Variants in DCBLD1 observed in about 807,000 individuals in gnomAD.
DCBLD1 encodes the protein discoidin, CUB and LCCL domain-containing protein 1.
DCBLD1 carries 57 observed loss-of-function variants against 71.5 expected under a neutral mutation model. That is an observed-to-expected ratio of 0.80 (90% CI 0.64 to 0.99). The LOEUF (loss-of-function observed/expected upper bound fraction) is 0.99. Among genes scored for constraint, DCBLD1 ranks in the 50% least tolerant of loss-of-function variants. DCBLD1 has a pLI of 0.00. For synonymous variants in DCBLD1, 380 were observed against 363.8 expected, an observed-to-expected ratio of 1.04 and a Z score of -0.51; for missense variants, 891 against 923.5, an observed-to-expected ratio of 0.96 and a Z score of 0.46.
At position 117,548,095 on chromosome 6, in the gene DCBLD1, A is replaced by T. The variant is rs1779334521; in HGVS notation, c.1804A>T (p.Thr602Ser). Residue 602 changes from threonine to serine, a missense_variant, in exon 15 of 15, where the codon ACG (threonine) becomes TCG (serine). By Grantham distance (58) the Thr-to-Ser change is moderately conservative. Transcript: ENST00000338728. ...GGCGCCCCCGGAGCCCGAGTACGCC[A>T]CGCCCATCGTGGAGCGGCACGTGCT... ...PLAPPEPEYATPIVERHVLRA... is the reference protein window; with the variant it reads ...PLAPPEPEYASPIVERHVLRA... 1 of 1,549,416 alleles carries T rather than the reference A, an allele frequency of 6.5e-7. No homozygotes were observed.
chr6:117,509,926 G>C (rs1338711894), intron 2 of DCBLD1, among the ~76,000 whole-genome samples: 1 of 152,134 alleles, frequency 6.6e-6, no homozygotes, highest in African/African-American at 2.4e-5. Context: ...ATTCAATTTG[G>C]TTGTTTTATT....
Position 117,548,376 on chromosome 6 carries a change from C to G in DCBLD1, c.2085C>G (p.Ser695Arg). Reference protein sequence around the residue: ...KPPTHPGTSDSYSAPRDCLTP... With the variant: ...KPPTHPGTSDRYSAPRDCLTP... Reference sequence around the variant, plus strand: ...CAACGCATCCCGGGACGAGTGACAGCTATTCTGCCCCCAGAGACTGCCTCA... The same window carrying G: ...CAACGCATCCCGGGACGAGTGACAGGTATTCTGCCCCCAGAGACTGCCTCA... Residue 695 changes from serine (S) to arginine (R), a missense_variant, in exon 15 of 15, where the codon AGC becomes AGG. By Grantham distance (110) the Ser-to-Arg change is moderately radical. Coordinates refer to ENST00000338728, the MANE Select transcript of DCBLD1 (RefSeq NM_001366458.2). 1 of 1,550,698 alleles carries G rather than the reference C, an allele frequency of 6.4e-7. No homozygotes were observed. The highest frequency in any genetic ancestry group is 1.2e-5 in the South Asian group (1 of 84,062).
At chr6:117,501,938 T>C (rs1011180676) in intron 1 of DCBLD1, among the ~76,000 whole-genome samples, 1 of 152,176 alleles carries the variant, frequency 6.6e-6, no homozygotes, top group South Asian at 2.1e-4. Context: ...ATTTCTGGAC[T>C]GAACAAGGCC....
At chr6:117,515,299 G>A (rs1209997067) in intron 2 of DCBLD1, among the ~76,000 whole-genome samples, 1 of 152,110 alleles carries the variant, frequency 6.6e-6, no homozygotes. Context: ...TGGGATTACA[G>A]GCGTGAGCCA....
Position 117,548,149 on chromosome 6 carries a change from G to T in DCBLD1, c.1858G>T (p.Gly620Cys). Reference protein sequence around the residue: ...LRAHTFSAQSGYRVPGPQPGH... With the variant: ...LRAHTFSAQSCYRVPGPQPGH... Reference sequence around the variant, plus strand: ...CGCCCACACGTTCTCTGCGCAGAGCGGCTACCGCGTCCCAGGGCCCCAGCC... The same window carrying T: ...CGCCCACACGTTCTCTGCGCAGAGCTGCTACCGCGTCCCAGGGCCCCAGCC... The change falls in exon 15 of 15, where the codon GGC becomes TGC. Residue 620 changes from glycine to cysteine, a missense_variant. Coordinates refer to ENST00000338728, the MANE Select transcript of DCBLD1 (RefSeq NM_001366458.2). 1.3e-6 allele frequency: 2 copies of T among 1,550,118 alleles called. No homozygotes were observed. Among genetic ancestry groups the T allele is most frequent in the Non-Finnish European group, 1.7e-6 (2 of 1,146,778 alleles).
chr6:117,501,100 G>T (rs893860024), intron 1 of DCBLD1, among the ~76,000 whole-genome samples: 23 of 152,120 alleles, frequency 1.5e-4, no homozygotes, highest in Admixed American at 1.1e-3. Flanking sequence ...TGGTGGCTTG[G>T]AGAGGTTGTG....
chr6:117,500,782 G>A (rs1253308568), intron 1 of DCBLD1, among the ~76,000 whole-genome samples: 1 of 152,172 alleles, frequency 6.6e-6, no homozygotes, highest in Non-Finnish European at 1.5e-5. Flanking sequence ...AGAATCGCTT[G>A]AACCCAGGAG....
intron 11 of DCBLD1, 84 bp downstream of exon 11, chr6:117,541,109 T>C: frequency 7.7e-7 from 1 of 1,291,036 alleles, no homozygotes; most frequent in South Asian, 1.3e-5. Flanking sequence ...AATTTCTTTT[T>C]CTCTGTCATA....
At chr6:117,555,532 G>A (rs1332517587) in intron 14 of DCBLD1, among the ~76,000 whole-genome samples, 2 of 152,160 alleles carry the variant, frequency 1.3e-5, no homozygotes, top group Non-Finnish European at 2.9e-5. Flanking sequence ...CCTTGTTGCA[G>A]TATTGCTTCC....
At chr6:117,517,223 CAA>C (rs1321699688) in intron 2 of DCBLD1, among the ~76,000 whole-genome samples, 1 of 152,208 alleles carries the variant, frequency 6.6e-6, no homozygotes, top group Non-Finnish European at 1.5e-5. Flanking sequence ...ATTAGCCAAA[CAA>C]AGGGGCTCAG....
intron 5 of DCBLD1, among the ~76,000 whole-genome samples, chr6:117,526,903 C>CTT (rs1778562770): frequency 6.6e-6 from 1 of 152,208 alleles, no homozygotes; most frequent in African/African-American, 2.4e-5. Context: ...GGGTTCTCTG[C>CTT]TTCAGGGTCT....
At chr6:117,524,499 C>T (rs560702766) in intron 4 of DCBLD1, among the ~76,000 whole-genome samples, 3 of 152,206 alleles carry the variant, frequency 2.0e-5, no homozygotes, top group South Asian at 2.1e-4. Flanking sequence ...CCACTGTGTC[C>T]GGCCTTGGAA....
intron 6 of DCBLD1, among the ~76,000 whole-genome samples, chr6:117,535,333 T>C (rs1488130354): frequency 6.6e-6 from 1 of 152,216 alleles, no homozygotes; most frequent in African/African-American, 2.4e-5. Flanking sequence ...ACCTTCTTTC[T>C]GTTTCCATCA....
exon 15 of DCBLD1, chr6:117,569,648 T>G: frequency 1.2e-6 from 2 of 1,613,114 alleles, no homozygotes; most frequent in South Asian, 2.2e-5. Context: ...CAAAATAGCA[T>G]CCCCAACGTG....
intron 2 of DCBLD1, among the ~76,000 whole-genome samples, chr6:117,516,664 A>G (rs571229637): frequency 4.5e-4 from 69 of 152,322 alleles, no homozygotes; most frequent in South Asian, 4.1e-3. Flanking sequence ...TGATAAGGAC[A>G]TACCTGAGAC....
At chr6:117,558,292 C>T (rs1309058158) in intron 14 of DCBLD1, among the ~76,000 whole-genome samples, 36 of 152,184 alleles carry the variant, frequency 2.4e-4, no homozygotes, top group Admixed American at 2.2e-3. Flanking sequence ...TGCCCCCCTC[C>T]ATCCATTTCT....
At chr6:117,563,813 C>G (rs1244713294) in intron 14 of DCBLD1, among the ~76,000 whole-genome samples, 1 of 151,540 alleles carries the variant, frequency 6.6e-6, no homozygotes, top group Non-Finnish European at 1.5e-5. Flanking sequence ...CATTAGTAAT[C>G]TGAGGCAAAA....
intron 3 of DCBLD1, among the ~76,000 whole-genome samples, chr6:117,521,262 T>C (rs1778375183): frequency 1.3e-5 from 2 of 152,232 alleles, no homozygotes; most frequent in Non-Finnish European, 2.9e-5. Flanking sequence ...ATTGTTTTTT[T>C]CTGTTAACTA....
chr6:117,482,956 GGGGCGGGCCGGGCCGGGCCGAGGGCTAC>G, intron 1 of DCBLD1, 63 bp downstream of exon 1: 1 of 619,672 alleles, frequency 1.6e-6, no homozygotes, highest in Non-Finnish European at 1.9e-6. Flanking sequence ...TGAGGGCTGC[GGGGCGGGCCGGGCCGGGCCGAGGGCTAC>G]GGGGCGGGCC....
Sources: gnomAD v4.1 joint callset for allele counts (sites outside exome capture counted in the v4.1 genomes callset) on GRCh38, gnomAD v4.1.1 for gene constraint, MANE v1.5 for transcripts, NCBI Gene and HGNC (gene_info 2026-07-23, HGNC 2026-07-21) for gene names.